FZD6: variants seen among roughly 807,000 people sequenced by gnomAD.
FZD6 encodes frizzled class receptor 6.
A neutral mutation model predicts 61.4 loss-of-function variants in FZD6; 49 were observed. That is an observed-to-expected ratio of 0.80 (90% CI 0.63 to 1.01). The LOEUF is 1.01. Ranked by LOEUF, FZD6 falls within the 50% of genes least tolerant of loss-of-function variation. The probability of loss-of-function intolerance (pLI) is 0.00; values close to 1 mark genes in which losing one functional copy is unlikely to be tolerated. For synonymous variants in FZD6, 265 were observed against 292.2 expected, an observed-to-expected ratio of 0.91 and a Z score of 0.95; for missense variants, 724 against 848.2, an observed-to-expected ratio of 0.85 and a Z score of 1.82.
intron 5 of FZD6, 77 bp from the exon 6 acceptor site, chr8:103,329,578 T>C (rs1563695054): frequency 1.9e-6 from 2 of 1,067,554 alleles, no homozygotes; most frequent in Admixed American, 2.3e-5. Context: ...GCAAAAGATA[T>C]GTGATATCCT....
At chr8:103,313,769 TGTG>T (rs1814559705) in intron 2 of FZD6, among the ~76,000 whole-genome samples, 1 of 119,108 alleles carries the variant, frequency 8.4e-6, no homozygotes, top group Non-Finnish European at 1.7e-5. Flanking sequence ...TCTGTGTGTG[TGTG>T]TGTGTGTGTG....
intron 2 of FZD6, among the ~76,000 whole-genome samples, chr8:103,303,385 C>T (rs753088004): frequency 6.6e-6 from 1 of 152,228 alleles, no homozygotes; most frequent in Non-Finnish European, 1.5e-5. Context: ...CCTTCTTTCA[C>T]CTTTCTCCTG....
chr8:103,322,461 A>C (rs538729850), intron 3 of FZD6, among the ~76,000 whole-genome samples: 1 of 152,302 alleles, frequency 6.6e-6, no homozygotes, highest in East Asian at 1.9e-4. Flanking sequence ...ATAGTGAATA[A>C]ACTTGATGAA....
chr8:103,313,445 G>A (rs907388134), intron 2 of FZD6, among the ~76,000 whole-genome samples: 1 of 152,312 alleles, frequency 6.6e-6, no homozygotes, highest in Middle Eastern at 3.4e-3. Context: ...GATCTCTGGA[G>A]GTGCTCTGAG....
At chr8:103,312,639 T>G (rs1240387479) in intron 2 of FZD6, among the ~76,000 whole-genome samples, 1 of 152,214 alleles carries the variant, frequency 6.6e-6, no homozygotes, top group Non-Finnish European at 1.5e-5. Flanking sequence ...AGGAAGAACA[T>G]AAAACATTTC....
chr8:103,331,236 A>G, intron 6 of FZD6, 105 bp from the exon 7 acceptor site: 2 of 828,310 alleles, frequency 2.4e-6, no homozygotes, highest in Non-Finnish European at 4.3e-6. Flanking sequence ...TTAGCTATTT[A>G]TTCTCTGATA....
Position 103,325,055 on chromosome 8 carries a change from T to C in FZD6, c.949T>C (p.Cys317Arg). The change falls in exon 4 of 7, where the codon TGT becomes CGT. Residue 317 changes from cysteine to arginine, a missense_variant. Coordinates refer to ENST00000358755, the MANE Select transcript of FZD6 (RefSeq NM_003506.4). ...WFLAAGRKWS[C>R]EAIEQKAVWF... ...CTTAGCTGCAGGAAGAAAATGGAGT[T>C]GTGAAGCCATCGAGCAAAAAGCAGT... The C allele has an allele frequency of 6.2e-7, 1 of 1,614,174 alleles. No individual in the cohort carries two copies. The highest frequency in any genetic ancestry group is 8.5e-7 in the Non-Finnish European group (1 of 1,180,002).
At chr8:103,305,277 C>T (rs796544782) in intron 2 of FZD6, among the ~76,000 whole-genome samples, 123 of 152,274 alleles carry the variant, frequency 8.1e-4, no homozygotes, top group African/African-American at 2.9e-3. Flanking sequence ...TTTGGAGCAG[C>T]AAGTGGTCAT....
chr8:103,324,376 A>G, intron 3 of FZD6, 105 bp from the exon 4 acceptor site: 1 of 669,412 alleles, frequency 1.5e-6, no homozygotes. Context: ...CTTCCCATCA[A>G]TCATGAATAC....
intron 5 of FZD6, 147 bp from the exon 6 acceptor site, chr8:103,329,508 A>C: frequency 1.7e-6 from 1 of 604,594 alleles, no homozygotes; most frequent in Non-Finnish European, 2.9e-6. Flanking sequence ...TAGTATTTAT[A>C]ATCCCAGATT....
rs1396416100 is a variant in FZD6 at position 103,332,547 on chromosome 8, T to C, written c.*1038T>C. 6.6e-6 allele frequency: 1 copy of C among 152,328 alleles called. No homozygotes were observed. The highest frequency in any genetic ancestry group is 1.5e-5 in the Non-Finnish European group (1 of 68,004). 9.4% of individuals were successfully genotyped at this position (152,328 alleles called of 1,614,324 possible). On this transcript the variant is annotated 3_prime_UTR_variant, in exon 7 of 7. Coordinates refer to ENST00000358755, the MANE Select transcript of FZD6 (RefSeq NM_003506.4). The stretch of plus-strand genomic sequence containing the variant: ...GATAGCGATATTAGTGCCAATCAAA[T>C]GGAAAAAAGGTAGTTTTAATAAACA...
Position 103,325,415 on chromosome 8 carries a change from T to A in FZD6, c.1309T>A (p.Tyr437Asn). The A allele has an allele frequency of 6.2e-7, 1 of 1,613,490 alleles. No homozygotes were observed. The highest frequency in any genetic ancestry group is 8.5e-7 in the Non-Finnish European group (1 of 1,179,404). ...AGTGACACTTCTCGGATGTTACGTC[T>A]ATGAGCAAGTGAACAGGATTACCTG... ...PLVTLLGCYVYEQVNRITWEI... is the reference protein window; with the variant it reads ...PLVTLLGCYVNEQVNRITWEI... Residue 437 changes from tyrosine to asparagine, a missense_variant, in exon 4 of 7, where the codon TAT becomes AAT. Tyr to Asn is a moderately radical substitution (Grantham distance 143, BLOSUM62 -2). Coordinates refer to ENST00000358755, the MANE Select transcript of FZD6 (RefSeq NM_003506.4).
At chr8:103,305,480 T>C (rs1814304730) in intron 2 of FZD6, among the ~76,000 whole-genome samples, 1 of 152,246 alleles carries the variant, frequency 6.6e-6, no homozygotes, top group African/African-American at 2.4e-5. Flanking sequence ...ATTTTCCTGC[T>C]TTTAGAAGAG....
chr8:103,299,036 G>A (rs2272097), intron 1 of FZD6, 41 bp downstream of exon 1: 66,698 of 152,332 alleles, frequency 0.44, 15,051 homozygotes, highest in East Asian at 0.61. Flanking sequence ...GGCCGGGCGG[G>A]TGCCGGGGGA....
intron 4 of FZD6, among the ~76,000 whole-genome samples, chr8:103,327,142 A>C (rs1814974416): frequency 6.6e-6 from 1 of 152,248 alleles, no homozygotes; most frequent in Non-Finnish European, 1.5e-5. Context: ...CTGGGAATTT[A>C]TAGACAGATT....
rs578152282 is a variant in FZD6, at chr8:103,301,611, G to T, written c.177+1327G>T. Among the ~76,000 whole-genome samples, 121 of 152,054 alleles carry T rather than the reference G, an allele frequency of 8.0e-4. 1 individual carries two copies. Among genetic ancestry groups the T allele is most frequent in the Middle Eastern group, 3.4e-3 (1 of 294 alleles). On this transcript the variant is annotated intron_variant, in intron 2 of 6. Transcript: ENST00000358755. ...TTTAGAGATGGGGTCTTACTATGTT[G>T]CCCAGGCTGGTCTCAAACTCCTAGG...
At position 103,300,095 on chromosome 8, in the gene FZD6, G is replaced by A. The variant is rs1184849627; in HGVS notation, c.-13G>A. The A allele has an allele frequency of 9.2e-6, 14 of 1,526,320 alleles. No homozygotes were observed. The highest frequency in any genetic ancestry group is 1.2e-5 in the Non-Finnish European group (13 of 1,099,842). 94.5% of individuals were successfully genotyped at this position (1,526,320 alleles called of 1,614,324 possible). ...CATCCAAGCCATGTGGTAAAATCAG[G>A]AATTTGAAGAAAATGGAAATGTTTA... On this transcript the variant is annotated 5_prime_UTR_variant, in exon 2 of 7. Transcript: ENST00000358755.
At chr8:103,307,577 C>T (rs1261193295) in intron 2 of FZD6, among the ~76,000 whole-genome samples, 2 of 152,050 alleles carry the variant, frequency 1.3e-5, no homozygotes, top group South Asian at 2.1e-4. Flanking sequence ...TACTTTTTTG[C>T]CCTTGTTTAC....
At chr8:103,307,150 C>A (rs1322652475) in intron 2 of FZD6, among the ~76,000 whole-genome samples, 1 of 152,196 alleles carries the variant, frequency 6.6e-6, no homozygotes, top group Non-Finnish European at 1.5e-5. Context: ...CACAGGACCA[C>A]TCTGCTTAGG....
Sources: allele counts gnomAD v4.1 joint callset (sites outside exome capture counted in the v4.1 genomes callset), GRCh38; gene constraint gnomAD v4.1.1; transcripts MANE v1.5; gene names NCBI Gene and HGNC (gene_info 2026-07-23, HGNC 2026-07-21).